The following ITGAM variants were observed in gnomAD, a reference collection of about 807,000 sequenced individuals.
The protein encoded by ITGAM is integrin alpha-M.
Under a neutral mutation model 137.5 loss-of-function variants are expected in ITGAM, and 79 were observed. The ratio of observed to expected loss-of-function variants is 0.57; its 90% CI spans 0.48 to 0.69. ITGAM has a LOEUF of 0.69. Among genes scored for constraint, ITGAM ranks in the 30% least tolerant of loss-of-function variants. The pLI is 0.00. For synonymous variants in ITGAM, 583 were observed against 592.3 expected (o/e 0.98, Z 0.23); for missense variants, 1,343 against 1,483.5 (o/e 0.91, Z 1.56).
chr16:31,275,749 C>T, intron 9 of ITGAM, 50 bp downstream of exon 9: 3 of 1,597,598 alleles, frequency 1.9e-6, no homozygotes, highest in South Asian at 1.1e-5. Context: ...CAGCCCCCCA[C>T]CCCAGAACAT....
At chr16:31,322,006 T>C (rs2080456157) in intron 16 of ITGAM, among the ~76,000 whole-genome samples, 1 of 152,242 alleles carries the variant, frequency 6.6e-6, no homozygotes, top group African/African-American at 2.4e-5. Flanking sequence ...CAGTGACTTC[T>C]TCCCTTGTTC....
chr16:31,297,815 C>T lies in ITGAM; in HGVS notation c.1568C>T (p.Ala523Val). 1 of 1,612,740 alleles carries T rather than the reference C, an allele frequency of 6.2e-7. No homozygotes were observed. The highest frequency in any genetic ancestry group is 8.5e-7 in the Non-Finnish European group (1 of 1,179,504). ...QGQPWGRFGA[A>V]LTVLGDVNGD... is the part of the protein sequence containing the mutation. ...CAACCCTGGGGCCGCTTTGGGGCAG[C>T]CCTAACAGTGCTGGGGGACGTAAAT... Residue 523 changes from alanine (A) to valine (V), a missense_variant, in exon 14 of 30, where the codon GCC (alanine) becomes GTC (valine). Transcript: ENST00000544665.
rs201182589 is a variant in ITGAM, at chr16:31,266,034, G to A, written c.314G>A (p.Cys105Tyr). 1.2e-6 allele frequency: 2 copies of A among 1,613,620 alleles called. No homozygotes were observed. Among genetic ancestry groups the A allele is most frequent in the Non-Finnish European group, 1.7e-6 (2 of 1,179,702 alleles). The change falls in exon 5 of 30, where the codon TGT becomes TAT. Residue 105 changes from cysteine (C) to tyrosine (Y), a missense_variant. Physicochemically the swap from Cys to Tyr is radical, Grantham distance 194. Transcript: ENST00000544665. Reference protein sequence around the residue: ...ATTSPPQLLACGPTVHQTCSE... With the variant: ...ATTSPPQLLAYGPTVHQTCSE... ...CCACTGGCTCCTGTCCCCTAGGCCT[G>A]TGGTCCCACCGTGCACCAGACTTGC...
rs572193804 is a variant in ITGAM, at chr16:31,265,058, G to A, written c.135-337G>A. ...AATTTTTTGTATTTTTAGTAGAGGC[G>A]GGGTTTCACCATGTTGCCCAGGCTG... On this transcript the variant is annotated intron_variant, in intron 2 of 29. Coordinates refer to ENST00000544665, the MANE Select transcript of ITGAM (RefSeq NM_000632.4). Among the ~76,000 whole-genome samples, 5 of 151,918 alleles carry A rather than the reference G, an allele frequency of 3.3e-5. No homozygotes were observed. The East Asian group carries it at 5.8e-4, about 18-fold the overall frequency.
rs367996769 is a variant in ITGAM, at chr16:31,266,111, C to T, written c.391C>T (p.Arg131Trp). ...CTGCTTCCTGTTTGGATCCAACCTA[C>T]GGCAGCAGCCCCAGAAGTTCCCAGA... ...GLCFLFGSNL[R>W]QQPQKFPEAL... The change falls in exon 5 of 30, where the codon CGG (arginine) becomes TGG (tryptophan). Residue 131 changes from arginine (R) to tryptophan (W), a missense_variant. Transcript: ENST00000544665. 94 of 1,613,720 alleles carry T rather than the reference C, an allele frequency of 5.8e-5. No homozygotes were observed. In the African/African-American group the frequency reaches 9.1e-4, roughly 16 times the overall value.
At chr16:31,271,145 C>T (rs1237657005) in intron 6 of ITGAM, 61 bp downstream of exon 6, 30 of 1,350,516 alleles carry the variant, frequency 2.2e-5, no homozygotes, top group African/African-American at 7.4e-5. Flanking sequence ...ACATGGCAAC[C>T]GGGCCACCAT....
At chr16:31,270,835 A>G (rs2079831523) in intron 5 of ITGAM, 119 bp from the exon 6 acceptor site, 1 of 360,632 alleles carries the variant, frequency 2.8e-6, no homozygotes, top group Non-Finnish European at 4.9e-6. Context: ...TTTAACATCT[A>G]TATTTTTTAT....
In ITGAM at chr16:31,331,200, C is replaced by A. The variant is rs377004368; in HGVS notation, c.3312C>A (p.Asn1104Lys). ...ETKVEPFEVP[N>K]PLPLIVGSSV... ...AAGTGGAGCCGTTCGAGGTCCCCAA[C>A]CCCCTGCCGCTCATCGTGGGCAGCT... is the stretch of plus-strand genomic sequence containing the variant. The change falls in exon 29 of 30, where the codon AAC becomes AAA. Residue 1104 changes from asparagine to lysine, a missense_variant. Coordinates refer to ENST00000544665, the MANE Select transcript of ITGAM (RefSeq NM_000632.4). 33 of 1,613,164 alleles carry A rather than the reference C, an allele frequency of 2.0e-5. No homozygotes were observed. In the South Asian group the frequency reaches 3.5e-4, roughly 17 times the overall value.
chr16:31,277,202 A>AT (rs1227127002), intron 11 of ITGAM, among the ~76,000 whole-genome samples, 153 bp downstream of exon 11: 51 of 147,324 alleles, frequency 3.5e-4, no homozygotes, highest in Non-Finnish European at 3.6e-4. Context: ...AGAAACTTCA[A>AT]TTTTTTTTTT....
intron 14 of ITGAM, among the ~76,000 whole-genome samples, chr16:31,318,265 C>T (rs1344552906): frequency 1.3e-5 from 2 of 151,462 alleles, no homozygotes; most frequent in Non-Finnish European, 2.9e-5. Context: ...GTTGTATGTT[C>T]TTTCATTTAT....
Position 31,275,997 on chromosome 16 carries a change from G to T in ITGAM, c.1009+298G>T, listed in dbSNP as rs546791942. ...TTGGATGTGTTGCCAGCTGTCGTCTGTTCGGTTCTCTGTTGTATCCCAATT... is the reference window on the plus strand; with the variant it reads ...TTGGATGTGTTGCCAGCTGTCGTCTTTTCGGTTCTCTGTTGTATCCCAATT... On this transcript the variant is annotated intron_variant, in intron 9 of 29. Transcript: ENST00000544665. Among the ~76,000 whole-genome samples the T allele has an allele frequency of 3.9e-5, 6 of 152,334 alleles. No individual in the cohort carries two copies. In the South Asian group the frequency reaches 1.2e-3, roughly 32 times the overall value.
intron 27 of ITGAM, 27 bp from the exon 28 acceptor site, chr16:31,330,477 G>A: frequency 6.2e-7 from 1 of 1,610,814 alleles, no homozygotes; most frequent in Non-Finnish European, 8.5e-7. Flanking sequence ...GGGCCCAGGT[G>A]CAGTGCCCAC....
At chr16:31,306,656 A>T (rs34072967) in intron 14 of ITGAM, among the ~76,000 whole-genome samples, 7 of 151,774 alleles carry the variant, frequency 4.6e-5, no homozygotes, top group African/African-American at 1.7e-4. Flanking sequence ...GGATTACAGG[A>T]GTGCGCCACC....
intron 12 of ITGAM, among the ~76,000 whole-genome samples, chr16:31,281,091 T>A (rs970385337): frequency 4.6e-5 from 7 of 152,178 alleles, no homozygotes; most frequent in Admixed American, 2.0e-4. Context: ...GTGGATAAGC[T>A]TTTTGATGTG....
chr16:31,316,382 G>A (rs1197565455), intron 14 of ITGAM, among the ~76,000 whole-genome samples: 19 of 132,770 alleles, frequency 1.4e-4, no homozygotes, highest in Non-Finnish European at 1.8e-4. Context: ...GCAAGACTCC[G>A]TCTGGAAAAA....
chr16:31,283,554 T>G (rs1487362495), intron 12 of ITGAM, among the ~76,000 whole-genome samples: 1 of 152,244 alleles, frequency 6.6e-6, no homozygotes, highest in Non-Finnish European at 1.5e-5. Context: ...TCTCATGCCA[T>G]GGTTTTCAGC....
In ITGAM at chr16:31,302,498, CTTTCTTTCTTTCTTTTT is replaced by C. The variant is rs1447715153; in HGVS notation, c.1707+4554_1707+4570del. Among the ~76,000 whole-genome samples, 7 of 99,946 alleles carry C rather than the reference CTTTCTTTCTTTCTTTTT, an allele frequency of 7.0e-5. No homozygotes were observed. The Admixed American group carries it at 7.6e-4, about 11-fold the overall frequency. The allele number at this position is 99,946 out of a possible 152,430, so 65.6% of individuals were successfully genotyped here. A position where few individuals can be genotyped will look rare whatever the true frequency, so the allele number is the denominator to read the frequency against. On this transcript the variant is annotated intron_variant, in intron 14 of 29. Transcript: ENST00000544665. ...TTCTTTCTTTCTTTTTTCTTTCCTT[CTTTCTTTCTTTCTTTTT>C]TTTCTTTCTCTTTCTCTTTTGTTTT...
intron 1 of ITGAM, 45 bp from the exon 2 acceptor site, chr16:31,261,647 C>T: frequency 7.8e-7 from 1 of 1,288,646 alleles, no homozygotes; most frequent in East Asian, 2.4e-5. Flanking sequence ...CCCTAACTGG[C>T]ATGCTACTTT....
intron 14 of ITGAM, among the ~76,000 whole-genome samples, chr16:31,310,032 A>G (rs1305581794): frequency 1.3e-5 from 2 of 151,144 alleles, no homozygotes; most frequent in East Asian, 3.9e-4. Flanking sequence ...AGTTCGGGTT[A>G]CCCACAAAGG....
Sources: allele counts gnomAD v4.1 joint callset (sites outside exome capture counted in the v4.1 genomes callset), GRCh38; gene constraint gnomAD v4.1.1; transcripts MANE v1.5; gene names NCBI Gene and HGNC (gene_info 2026-07-23, HGNC 2026-07-21).